RFX4: variants seen among roughly 807,000 people sequenced by gnomAD.
RFX4 encodes regulatory factor X4, also known as transcription factor RFX4.
A neutral mutation model predicts 95.0 loss-of-function variants in RFX4; 10 were observed. The ratio of observed to expected loss-of-function variants is 0.11; its 90% CI spans 0.06 to 0.18. The LOEUF is 0.18. RFX4 is among the 10% of genes least tolerant of loss of function. The pLI is 1.00. For synonymous variants in RFX4, 321 were observed against 340.7 expected, an observed-to-expected ratio of 0.94 and a Z score of 0.64; for missense variants, 640 against 922.0, an observed-to-expected ratio of 0.69 and a Z score of 3.96.
intron 2 of RFX4, among the ~76,000 whole-genome samples, chr12:106,616,698 G>C (rs1479934610): frequency 6.6e-6 from 1 of 151,920 alleles, no homozygotes; most frequent in East Asian, 1.9e-4. Context: ...TACTTTTAAG[G>C]AATCTGTTTC....
At chr12:106,601,448 A>G in intron 1 of RFX4, 1 of 1,235,528 alleles carries the variant, frequency 8.1e-7, no homozygotes, top group Non-Finnish European at 1.1e-6. Context: ...TGGCATGTCA[A>G]CTCTTTTATG....
chr12:106,740,289 A>T (rs937166601), intron 15 of RFX4, among the ~76,000 whole-genome samples: 2 of 152,180 alleles, frequency 1.3e-5, no homozygotes, highest in African/African-American at 4.8e-5. Context: ...CTTTCCAAAT[A>T]ACAAAAGCCT....
chr12:106,648,371 C>G (rs1454002155), intron 3 of RFX4, among the ~76,000 whole-genome samples: 3 of 151,876 alleles, frequency 2.0e-5, no homozygotes, highest in Non-Finnish European at 2.9e-5. Flanking sequence ...GAAAGCAGGA[C>G]GGAAAAGGAG....
In RFX4 at chr12:106,720,068, C is replaced by T. The variant is rs769496006; in HGVS notation, c.1233+14C>T. 5.5e-5 allele frequency: 89 copies of T among 1,610,994 alleles called. No homozygotes were observed. In the South Asian group the frequency reaches 9.3e-4, roughly 17 times the overall value. On this transcript the variant is annotated intron_variant, in intron 12 of 17. Transcript: ENST00000392842. This position sits in a 1 kb window ranked among gnomAD's most constrained non-coding sequence, Gnocchi z 4.2. ...TGTGTTGTGAAGGTTGGTAAACCGG[C>T]ACCTAGCGGGCAGCCTTGGGCCCTG...
chr12:106,717,610 G>T (rs1023753763), intron 11 of RFX4, among the ~76,000 whole-genome samples: 1 of 152,174 alleles, frequency 6.6e-6, no homozygotes, highest in Non-Finnish European at 1.5e-5. Flanking sequence ...CCTAAGTCAG[G>T]TACTGTATTA....
chr12:106,747,902 T>G (rs2042924716), intron 16 of RFX4, among the ~76,000 whole-genome samples: 2 of 144,408 alleles, frequency 1.4e-5, no homozygotes, highest in African/African-American at 5.2e-5. Context: ...AACTCCAGCC[T>G]GGGTGACAGA....
intron 17 of RFX4, 49 bp from the exon 18 acceptor site, chr12:106,761,148 C>A (rs773366173): frequency 6.3e-7 from 1 of 1,581,164 alleles, no homozygotes; most frequent in Non-Finnish European, 8.6e-7. Context: ...TGTGTATATG[C>A]AACCTCAAGC....
At chr12:106,704,589 C>A (rs1349635001) in intron 8 of RFX4, among the ~76,000 whole-genome samples, 1 of 152,192 alleles carries the variant, frequency 6.6e-6, no homozygotes, top group East Asian at 1.9e-4. Context: ...CATCTCCCCA[C>A]CCCCTAGCTC....
intron 1 of RFX4, among the ~76,000 whole-genome samples, chr12:106,602,186 C>T (rs984919540): frequency 1.3e-5 from 2 of 152,176 alleles, no homozygotes; most frequent in African/African-American, 2.4e-5. Context: ...TTAGTCAAGT[C>T]TCTGCTTCAG....
chr12:106,747,683 C>A, intron 16 of RFX4, 84 bp downstream of exon 16: 1 of 1,496,110 alleles, frequency 6.7e-7, no homozygotes, highest in Non-Finnish European at 9.1e-7. Flanking sequence ...CCTGTAATCC[C>A]AGCACTTTGG....
chr12:106,583,131 T>TTTTTTTTTTTCCTC lies in RFX4; in HGVS notation c.-189_-188insTTTTTTTTTCCTCT, dbSNP rs1447288361. ...CTCCCTCTCTCTCCTCTTTTCTTCT[T>TTTTTTTTTTTCCTC]TCTCTTTTCTTTCCTCTTCTTTTTC... is the stretch of plus-strand genomic sequence containing the variant. On this transcript the variant is annotated 5_prime_UTR_variant, in exon 1 of 18. Transcript: ENST00000392842. 10 of 466,280 alleles carry TTTTTTTTTTTCCTC rather than the reference T, an allele frequency of 2.1e-5. No homozygotes were observed. The East Asian group carries it at 3.7e-4, about 17-fold the overall frequency. 28.9% of individuals were successfully genotyped at this position (466,280 alleles called of 1,614,324 possible).
At chr12:106,722,647 A>T (rs528265048) in intron 13 of RFX4, among the ~76,000 whole-genome samples, 1 of 152,212 alleles carries the variant, frequency 6.6e-6, no homozygotes, top group Non-Finnish European at 1.5e-5. Context: ...AGAAAAAGAG[A>T]TATTAACCCA....
intron 6 of RFX4, among the ~76,000 whole-genome samples, chr12:106,689,072 C>T (rs1309665610): frequency 6.6e-6 from 1 of 152,120 alleles, no homozygotes; most frequent in African/African-American, 2.4e-5. Flanking sequence ...GGGAGAAACA[C>T]ACTCGTGCTG....
At chr12:106,750,486 A>C (rs1261026669) in intron 16 of RFX4, among the ~76,000 whole-genome samples, 169 bp from the exon 17 acceptor site, 1 of 151,842 alleles carries the variant, frequency 6.6e-6, no homozygotes, top group Non-Finnish European at 1.5e-5. Context: ...CAAAAAAAAA[A>C]AAAAAACAGA....
At chr12:106,718,893 G>T (rs1229101554) in intron 11 of RFX4, among the ~76,000 whole-genome samples, 1 of 151,086 alleles carries the variant, frequency 6.6e-6, no homozygotes, top group Non-Finnish European at 1.5e-5. Context: ...GGCGGATCAC[G>T]AGGTCAGGAG....
At position 106,679,565 on chromosome 12, in the gene RFX4, C is replaced by T. The variant is rs186845230; in HGVS notation, c.316-2428C>T. On this transcript the variant is annotated intron_variant, in intron 4 of 17. Coordinates refer to ENST00000392842, the MANE Select transcript of RFX4 (RefSeq NM_213594.3). Reference sequence around the variant, plus strand: ...TAGGAAAATTTCTGCTTTTTCTAAGCAACTAGTATGCACTTATATTGATAC... The same window carrying T: ...TAGGAAAATTTCTGCTTTTTCTAAGTAACTAGTATGCACTTATATTGATAC... Among the ~76,000 whole-genome samples, 274 of 152,190 alleles carry T rather than the reference C, an allele frequency of 1.8e-3. 1 individual carries two copies. The highest frequency in any genetic ancestry group is 6.3e-3 in the African/African-American group (260 of 41,538).
chr12:106,606,619 A>G (rs1436059074), intron 1 of RFX4, among the ~76,000 whole-genome samples: 4 of 152,174 alleles, frequency 2.6e-5, no homozygotes, highest in Non-Finnish European at 4.4e-5. Context: ...GATGTCTGGA[A>G]GGTGCAGCGT....
At chr12:106,599,848 A>T (rs1592835385) in intron 1 of RFX4, among the ~76,000 whole-genome samples, 1 of 152,076 alleles carries the variant, frequency 6.6e-6, no homozygotes, top group Admixed American at 6.6e-5. Flanking sequence ...TGGCAAAATT[A>T]TTAATAATAT....
At chr12:106,658,954 A>G (rs2041016976) in intron 4 of RFX4, among the ~76,000 whole-genome samples, 1 of 152,204 alleles carries the variant, frequency 6.6e-6, no homozygotes, top group South Asian at 2.1e-4. Flanking sequence ...AGGAGCCCCA[A>G]AAAGCAGAAC....
Sources: gnomAD v4.1 joint callset for allele counts (sites outside exome capture counted in the v4.1 genomes callset) on GRCh38, gnomAD v4.1.1 for gene constraint, Gnocchi (gnomAD v3.1) non-coding constraint, MANE v1.5 for transcripts, NCBI Gene and HGNC (gene_info 2026-07-23, HGNC 2026-07-21) for gene names.